Variants in ZNF775 observed in about 807,000 individuals in gnomAD.
ZNF775 encodes the protein zinc finger protein 775.
ZNF775 carries 1 observed loss-of-function variant against 2.4 expected under a neutral mutation model. That is an observed-to-expected ratio of 0.41 (90% confidence interval 0.15 to 1.94). The LOEUF is 1.94. Ranked by LOEUF, ZNF775 falls within the 30% of genes most tolerant of loss-of-function variation. The pLI, the probability that ZNF775 is intolerant of heterozygous loss-of-function variation, is 0.30. For missense variants in ZNF775, 823 were observed against 826.6 expected (o/e 1.00, Z 0.05); for synonymous variants, 381 against 373.3 (o/e 1.02, Z -0.24).
rs1800418948 is a variant in ZNF775 at position 150,384,557 on chromosome 7, C to T, written c.-49-3865C>T. On this transcript the variant is annotated intron_variant, in intron 1 of 2. Coordinates refer to ENST00000329630, the MANE Select transcript of ZNF775 (RefSeq NM_173680.4). The surrounding 1 kb of genome is among the most constrained non-coding windows in gnomAD (Gnocchi z 4.1). ...CTGGATTTTGTCTGTAGGACACCTG[C>T]TGTGCCATTTCCCAGACATAGCCCA... Among the ~76,000 whole-genome samples, 1 of 152,210 alleles carries T rather than the reference C, an allele frequency of 6.6e-6. No homozygotes were observed. The highest frequency in any genetic ancestry group is 2.4e-5 in the African/African-American group (1 of 41,444).
Position 150,381,817 on chromosome 7 carries a change from C to T in ZNF775, c.-50+2425C>T, listed in dbSNP as rs756501150. Among the ~76,000 whole-genome samples, 88 of 152,120 alleles carry T rather than the reference C, an allele frequency of 5.8e-4. 1 individual carries two copies. Among genetic ancestry groups the T allele is most frequent in the Admixed American group, 2.0e-3 (31 of 15,284 alleles). ...CTCTGTTCCCTCCCCAGATTGAGGA[C>T]TGGGGTGTTTGGGAGACTGAGGTCT... On this transcript the variant is annotated intron_variant, in intron 1 of 2. Transcript: ENST00000329630.
intron 1 of ZNF775, among the ~76,000 whole-genome samples, chr7:150,381,874 CAG>C (rs1039685004): frequency 2.0e-5 from 3 of 151,552 alleles, no homozygotes; most frequent in African/African-American, 7.3e-5. Context: ...GGGGAAGGGT[CAG>C]GGCTGGGAGA....
intron 1 of ZNF775, 54 bp from the exon 2 acceptor site, chr7:150,388,368 T>G (rs961780304): frequency 1.9e-5 from 27 of 1,435,886 alleles, no homozygotes; most frequent in Non-Finnish European, 1.2e-5. Context: ...GGACCCTGAG[T>G]TTTGTCCTTG....
chr7:150,380,707 G>A (rs1474398734), intron 1 of ZNF775, among the ~76,000 whole-genome samples: 1 of 152,196 alleles, frequency 6.6e-6, no homozygotes, highest in Admixed American at 6.5e-5. Context: ...TCCATTTGGT[G>A]GGGGTCTGGG....
intron 2 of ZNF775, among the ~76,000 whole-genome samples, chr7:150,390,174 G>C (rs1179184792): frequency 6.6e-6 from 1 of 151,780 alleles, no homozygotes; most frequent in Non-Finnish European, 1.5e-5. Context: ...GACTCTCCAC[G>C]GGCAGGCCAG....
chr7:150,385,436 C>G (rs567342758), intron 1 of ZNF775, among the ~76,000 whole-genome samples: 1 of 151,502 alleles, frequency 6.6e-6, no homozygotes, highest in African/African-American at 2.4e-5. Flanking sequence ...CTGCAATACC[C>G]CAAGCGACTG....
At chr7:150,388,577 C>T (rs1800498659) in intron 2 of ZNF775, 76 bp downstream of exon 2, 1 of 1,526,392 alleles carries the variant, frequency 6.6e-7, no homozygotes, top group South Asian at 1.2e-5. Context: ...TTTTCTAAAG[C>T]CAGGCGCGAG....
intron 2 of ZNF775, among the ~76,000 whole-genome samples, chr7:150,396,307 C>T (rs1392014177): frequency 6.6e-6 from 1 of 152,170 alleles, no homozygotes; most frequent in Non-Finnish European, 1.5e-5. Flanking sequence ...GTTGTCCTTT[C>T]TGCCTTCCCG....
At chr7:150,391,847 G>GCAC (rs1800565282) in intron 2 of ZNF775, among the ~76,000 whole-genome samples, 1 of 151,530 alleles carries the variant, frequency 6.6e-6, no homozygotes, top group African/African-American at 2.4e-5. Flanking sequence ...GAGTAGCTGG[G>GCAC]ATTGCAGGCA....
rs761370049 is a variant in ZNF775, at chr7:150,398,520, C to G, written c.*425C>G. The G allele has an allele frequency of 5.5e-6, 1 of 181,832 alleles. No individual in the cohort carries two copies. The highest frequency in any genetic ancestry group is 1.1e-5 in the Non-Finnish European group (1 of 88,390). 11.3% of individuals were successfully genotyped at this position (181,832 alleles called of 1,614,324 possible). On this transcript the variant is annotated 3_prime_UTR_variant, in exon 3 of 3. Transcript: ENST00000329630. ...CTGTGGGAGAGTTGCCAAGACTCGG[C>G]GATACCAAGGATGGAAGCCAGAGGC...
chr7:150,390,174 G>A (rs1179184792), intron 2 of ZNF775, among the ~76,000 whole-genome samples: 4 of 151,780 alleles, frequency 2.6e-5, no homozygotes, highest in Non-Finnish European at 5.9e-5. Context: ...GACTCTCCAC[G>A]GGCAGGCCAG....
chr7:150,392,941 C>A (rs1277466264), intron 2 of ZNF775, among the ~76,000 whole-genome samples: 1 of 152,186 alleles, frequency 6.6e-6, no homozygotes, highest in African/African-American at 2.4e-5. Context: ...ATTTTGCATT[C>A]ATATGGTACA....
chr7:150,381,222 G>T lies in ZNF775; in HGVS notation c.-50+1830G>T, dbSNP rs75989235. Among the ~76,000 whole-genome samples the T allele has an allele frequency of 4.8e-3, 737 of 152,228 alleles. 5 individuals carry two copies. Among genetic ancestry groups the T allele is most frequent in the African/African-American group, 0.016 (674 of 41,520 alleles). ...GGGAGGTGTGGGTGGGACAGTTCCA[G>T]CAAGCGTGTTTACCTCTGGCCGGTG... On this transcript the variant is annotated intron_variant, in intron 1 of 2. Transcript: ENST00000329630.
Position 150,398,130 on chromosome 7 carries a change from G to C in ZNF775, c.*35G>C, listed in dbSNP as rs951894013. 6.5e-7 allele frequency: 1 copy of C among 1,533,492 alleles called. No individual in the cohort carries two copies. Among genetic ancestry groups the C allele is most frequent in the African/African-American group, 1.4e-5 (1 of 72,766 alleles). The allele number at this position is 1,533,492 out of a possible 1,614,324, so 95.0% of individuals were successfully genotyped here. A position where few individuals can be genotyped will look rare whatever the true frequency, so the allele number is the denominator to read the frequency against. ...CCTCAGCGGACCCGTGGTGGTGCGG[G>C]GGATGTTTGCGGGGTGTGTGTGGGG... On this transcript the variant is annotated 3_prime_UTR_variant, in exon 3 of 3. Transcript: ENST00000329630.
At chr7:150,391,241 C>T (rs1444128116) in intron 2 of ZNF775, among the ~76,000 whole-genome samples, 1 of 152,222 alleles carries the variant, frequency 6.6e-6, no homozygotes, top group Non-Finnish European at 1.5e-5. Flanking sequence ...GGCGCGGTGG[C>T]TCACGCCTGT....
intron 2 of ZNF775, among the ~76,000 whole-genome samples, chr7:150,389,257 C>T (rs1800513156): frequency 1.3e-5 from 2 of 152,362 alleles, no homozygotes; most frequent in South Asian, 4.1e-4. Flanking sequence ...CTCCCTCTCC[C>T]CTCCCAGGGG....
At position 150,398,348 on chromosome 7, in the gene ZNF775, G is replaced by A. The variant is rs951843457; in HGVS notation, c.*253G>A. 1.7e-5 allele frequency: 10 copies of A among 588,998 alleles called. No homozygotes were observed. The highest frequency in any genetic ancestry group is 3.8e-5 in the African/African-American group (2 of 52,348). The allele number at this position is 588,998 out of a possible 1,614,324, so 36.5% of individuals were successfully genotyped here. A position where few individuals can be genotyped will look rare whatever the true frequency, so the allele number is the denominator to read the frequency against. On this transcript the variant is annotated 3_prime_UTR_variant, in exon 3 of 3. Coordinates refer to ENST00000329630, the MANE Select transcript of ZNF775 (RefSeq NM_173680.4). ...GGCCGGGATGTGACCACCCTCTTCA[G>A]AGGTTGGACCCCAGGCTTCAAGCAC...
intron 2 of ZNF775, among the ~76,000 whole-genome samples, chr7:150,396,304 T>C (rs1800649635): frequency 6.6e-6 from 1 of 152,200 alleles, no homozygotes; most frequent in Admixed American, 6.5e-5. Flanking sequence ...CTTGTTGTCC[T>C]TTCTGCCTTC....
chr7:150,388,244 A>C (rs1467688109), intron 1 of ZNF775, among the ~76,000 whole-genome samples, 178 bp from the exon 2 acceptor site: 1 of 151,868 alleles, frequency 6.6e-6, no homozygotes, highest in Non-Finnish European at 1.5e-5. Context: ...TGGCTGTTTT[A>C]CCTTCTCAGC....
Sources: allele counts gnomAD v4.1 joint callset (sites outside exome capture counted in the v4.1 genomes callset), GRCh38; gene constraint gnomAD v4.1.1; non-coding constraint Gnocchi (gnomAD v3.1); transcripts MANE v1.5; gene names NCBI Gene and HGNC (gene_info 2026-07-23, HGNC 2026-07-21).